Variants in ATRN observed in about 807,000 individuals in gnomAD.
The protein encoded by ATRN is attractin.
ATRN carries 54 observed loss-of-function variants against 178.7 expected under a neutral mutation model. The ratio of observed to expected loss-of-function variants is 0.30; its 90% CI spans 0.24 to 0.38. The LOEUF is 0.38. ATRN is among the 10% of genes least tolerant of loss of function. The pLI is 1.00. For synonymous variants in ATRN, 636 were observed against 663.0 expected, an observed-to-expected ratio of 0.96 and a Z score of 0.63; for missense variants, 1,443 against 1,815.1, an observed-to-expected ratio of 0.79 and a Z score of 3.73.
At chr20:3,617,749 C>T (rs2146309434) in intron 24 of ATRN, among the ~76,000 whole-genome samples, 1 of 152,302 alleles carries the variant, frequency 6.6e-6, no homozygotes, top group African/African-American at 2.4e-5. Context: ...CTCCTACAGA[C>T]AGCTACAGGA....
rs1232580689 is a variant in ATRN, at chr20:3,638,130, TTTTAC to T, written c.3943-693_3943-689del. 2.0e-5 allele frequency among the ~76,000 whole-genome samples: 3 copies of T among 152,218 alleles called. No individual in the cohort carries two copies. Among genetic ancestry groups the T allele is most frequent in the African/African-American group, 7.2e-5 (3 of 41,454 alleles). On this transcript the variant is annotated intron_variant, in intron 26 of 28. Transcript: ENST00000262919. The surrounding 1 kb of genome is among the most constrained non-coding windows in gnomAD (Gnocchi z 4.5). ...TTTTATTTTTATCTTTATTTTCTTA[TTTTAC>T]TTTAAGTTCTGGGATACATGTACAG...
Position 3,471,121 on chromosome 20 carries a change from C to A in ATRN, c.14C>A (p.Ala5Glu). The change falls in exon 1 of 29, where the codon GCG (alanine) becomes GAG (glutamate). Residue 5 changes from alanine to glutamate, a missense_variant. This residue lies in a region of ATRN where 862 missense variants were observed against 972.1 expected (regional missense o/e 0.89). Coordinates refer to ENST00000262919, the MANE Select transcript of ATRN (RefSeq NM_139321.3). ...AGCCCCGGGAAGATGGTGGCTGCAG[C>A]GGCGGCAACTGAGGCAAGGCTGAGG... MVAAAAATEARLRRR... is the reference protein window; with the variant it reads MVAAEAATEARLRRR... 1.3e-6 allele frequency: 2 copies of A among 1,510,950 alleles called. No individual in the cohort carries two copies. Among genetic ancestry groups the A allele is most frequent in the Non-Finnish European group, 1.8e-6 (2 of 1,136,374 alleles). The allele number at this position is 1,510,950 out of a possible 1,614,324, so 93.6% of individuals were successfully genotyped here. A position where few individuals can be genotyped will look rare whatever the true frequency, so the allele number is the denominator to read the frequency against.
At chr20:3,600,800 A>T in intron 22 of ATRN, 146 bp from the exon 23 acceptor site, 1 of 731,344 alleles carries the variant, frequency 1.4e-6, no homozygotes, top group Non-Finnish European at 2.2e-6. Context: ...TTGGTTAGAA[A>T]TTTTGCTAAC....
At chr20:3,612,765 T>C (rs1242879152) in intron 24 of ATRN, among the ~76,000 whole-genome samples, 1 of 152,236 alleles carries the variant, frequency 6.6e-6, no homozygotes, top group East Asian at 1.9e-4. Flanking sequence ...CTGACATACC[T>C]CTCCATATTC....
chr20:3,545,901 TAAGTC>T lies in ATRN; in HGVS notation c.737+12_737+16del, dbSNP rs2085694160. 3.1e-6 allele frequency: 5 copies of T among 1,611,834 alleles called. No homozygotes were observed. Among genetic ancestry groups the T allele is most frequent in the East Asian group, 4.5e-5 (2 of 44,816 alleles). ...TAATATTACTTACAGGTAAGATACT[TAAGTC>T]TAGTATTTGTGATTTCATTCAGGAG... On this transcript the variant is annotated intron_variant, in intron 4 of 28. Coordinates refer to ENST00000262919, the MANE Select transcript of ATRN (RefSeq NM_139321.3).
At chr20:3,525,205 G>C (rs1313927057) in intron 1 of ATRN, among the ~76,000 whole-genome samples, 2 of 152,080 alleles carry the variant, frequency 1.3e-5, no homozygotes, top group African/African-American at 4.8e-5. Flanking sequence ...AATAAAAAAT[G>C]ATAAAGGGGA....
intron 1 of ATRN, among the ~76,000 whole-genome samples, chr20:3,519,691 C>T (rs2085261753): frequency 6.6e-6 from 1 of 152,068 alleles, no homozygotes; most frequent in Non-Finnish European, 1.5e-5. Context: ...GCTAAAGAAC[C>T]CATCTGTGTA....
intron 24 of ATRN, among the ~76,000 whole-genome samples, chr20:3,617,768 C>G (rs1182660842): frequency 6.6e-6 from 1 of 152,182 alleles, no homozygotes; most frequent in Non-Finnish European, 1.5e-5. Flanking sequence ...GAGCATGCCT[C>G]TGCTGGGCGG....
chr20:3,614,218 G>A (rs1202274189), intron 24 of ATRN, among the ~76,000 whole-genome samples: 3 of 152,176 alleles, frequency 2.0e-5, no homozygotes, highest in Non-Finnish European at 4.4e-5. Context: ...CTCTGCCCCT[G>A]CTTTCTGAAA....
At chr20:3,473,340 G>A (rs1169273896) in intron 1 of ATRN, among the ~76,000 whole-genome samples, 1 of 152,122 alleles carries the variant, frequency 6.6e-6, no homozygotes, top group East Asian at 1.9e-4. Flanking sequence ...GGGTGAGATG[G>A]TACTACCTGC....
chr20:3,551,724 C>G (rs2085789631), intron 6 of ATRN, among the ~76,000 whole-genome samples: 1 of 152,094 alleles, frequency 6.6e-6, no homozygotes, highest in Admixed American at 6.6e-5. Context: ...ACCTTTCCTT[C>G]TGTTTTCATT....
chr20:3,506,168 G>A (rs2085041243), intron 1 of ATRN, among the ~76,000 whole-genome samples: 1 of 152,174 alleles, frequency 6.6e-6, no homozygotes, highest in Non-Finnish European at 1.5e-5. Flanking sequence ...TTGTGATACT[G>A]TACTGTAGTT....
At chr20:3,560,557 C>T in intron 7 of ATRN, 105 bp from the exon 8 acceptor site, 1 of 1,012,254 alleles carries the variant, frequency 9.9e-7, no homozygotes, top group Admixed American at 2.7e-5. Context: ...AGTTTCTTGA[C>T]TAACCTTTTT....
rs763544041 is a variant in ATRN, at chr20:3,575,850, C to T, written c.2116C>T (p.Gln706Ter). 1 of 1,612,942 alleles carries T rather than the reference C, an allele frequency of 6.2e-7. No individual in the cohort carries two copies. Among genetic ancestry groups the T allele is most frequent in the Admixed American group, 1.7e-5 (1 of 59,948 alleles). The change falls in exon 13 of 29, where the codon CAG (glutamine) becomes TAG (stop). Residue 706 changes from glutamine (Q) to a stop codon, truncating the protein, a stop_gained. Transcript: ENST00000262919. LOFTEE classifies it high-confidence loss of function. ...KRTLDHDRCDQHTDCYSCTAN... is the reference protein window; with the variant it reads ...KRTLDHDRCD The stretch of plus-strand genomic sequence containing the variant: ...AGCTCTTGACCATGACAGATGTGAC[C>T]AGCACACAGATTGTTACAGCTGCAC...
At chr20:3,628,243 AC>A (rs2086959834) in intron 25 of ATRN, among the ~76,000 whole-genome samples, 1 of 147,334 alleles carries the variant, frequency 6.8e-6, no homozygotes, top group African/African-American at 2.5e-5. Flanking sequence ...AAAATTTAAT[AC>A]CCATTCATTT....
intron 12 of ATRN, 98 bp from the exon 13 acceptor site, chr20:3,575,729 T>C: frequency 1.5e-6 from 2 of 1,344,902 alleles, no homozygotes; most frequent in Non-Finnish European, 2.0e-6. Context: ...TTCTTCATTT[T>C]ACTTCTTAAC....
intron 11 of ATRN, among the ~76,000 whole-genome samples, chr20:3,568,822 C>T (rs2086074775): frequency 6.6e-6 from 1 of 152,172 alleles, no homozygotes; most frequent in Non-Finnish European, 1.5e-5. Flanking sequence ...CAGTAAGGCT[C>T]GTCACAGCCT....
At chr20:3,507,692 ATAT>A (rs1325384337) in intron 1 of ATRN, among the ~76,000 whole-genome samples, 12 of 143,902 alleles carry the variant, frequency 8.3e-5, no homozygotes, top group African/African-American at 1.8e-4. Flanking sequence ...AAAGTTAAAA[ATAT>A]TTTTTTTTTT....
intron 24 of ATRN, among the ~76,000 whole-genome samples, chr20:3,620,295 A>T (rs1047046438): frequency 1.3e-5 from 2 of 151,996 alleles, no homozygotes; most frequent in Admixed American, 1.3e-4. Context: ...CCCAGGCTGG[A>T]GTGCAGTGGT....
Sources: gnomAD v4.1 joint callset for allele counts (sites outside exome capture counted in the v4.1 genomes callset) on GRCh38, gnomAD v4.1.1 for gene constraint, gnomAD v4.1.1 regional missense constraint, Gnocchi (gnomAD v3.1) non-coding constraint, MANE v1.5 for transcripts, NCBI Gene and HGNC (gene_info 2026-07-23, HGNC 2026-07-21) for gene names.